Variants in PCDH9 observed in about 807,000 individuals in gnomAD.
PCDH9 encodes the protein protocadherin-9.
A neutral mutation model predicts 70.6 loss-of-function variants in PCDH9; 24 were observed. That is an observed-to-expected ratio of 0.34 (90% CI 0.25 to 0.48). PCDH9 has a LOEUF of 0.48. Ranked by LOEUF, PCDH9 falls within the 20% of genes least tolerant of loss-of-function variation. The pLI, the probability that PCDH9 is intolerant of heterozygous loss-of-function variation, is 0.99. For missense variants in PCDH9, 1,281 were observed against 1,503.6 expected (o/e 0.85, Z 2.45); for synonymous variants, 562 against 558.5 (o/e 1.01, Z -0.09).
At chr13:66,447,218 CA>C (rs1958110330) in intron 4 of PCDH9, among the ~76,000 whole-genome samples, 1 of 151,944 alleles carries the variant, frequency 6.6e-6, no homozygotes, top group African/African-American at 2.4e-5. Context: ...TTTTAAGTTG[CA>C]AAATAGATTT....
intron 2 of PCDH9, among the ~76,000 whole-genome samples, chr13:67,156,018 G>A (rs1376144370): frequency 3.3e-5 from 5 of 152,054 alleles, no homozygotes; most frequent in African/African-American, 1.2e-4. Context: ...GTATCTTTAA[G>A]GATGCCGGAG....
intron 3 of PCDH9, among the ~76,000 whole-genome samples, chr13:66,824,917 T>C (rs1271034843): frequency 6.6e-6 from 1 of 151,632 alleles, no homozygotes; most frequent in Non-Finnish European, 1.5e-5. Context: ...TGTAGCTGTT[T>C]TCGTGTCCCA....
At chr13:67,160,447 T>TGAGGCAGGAGAGTTGCTTG (rs2087925713) in intron 2 of PCDH9, among the ~76,000 whole-genome samples, 1 of 151,978 alleles carries the variant, frequency 6.6e-6, no homozygotes, top group South Asian at 2.1e-4. Flanking sequence ...TTCGGGAGAC[T>TGAGGCAGGAGAGTTGCTTG]GAGGCAGGAG....
chr13:67,119,966 A>C (rs1246117389), intron 2 of PCDH9, among the ~76,000 whole-genome samples: 1 of 152,060 alleles, frequency 6.6e-6, no homozygotes, highest in African/African-American at 2.4e-5. Flanking sequence ...AAAATACATA[A>C]AAATATAAAG....
chr13:66,304,889 G>C lies in PCDH9; in HGVS notation c.3480C>G (p.Thr1160=). 6.2e-7 allele frequency: 1 copy of C among 1,613,640 alleles called. No individual in the cohort carries two copies. The highest frequency in any genetic ancestry group is 8.5e-7 in the Non-Finnish European group (1 of 1,179,764). The change falls in exon 5 of 5, where the codon ACC becomes ACG. Residue 1160 remains threonine, a synonymous_variant. Transcript: ENST00000377865. ...PYQHPKSPLS[T]FAPQKEWVKK... ...TCACCCATTCTTTCTGGGGTGCAAA[G>C]GTTGAGAGAGGAGATTTGGGGTGTT... is the stretch of plus-strand genomic sequence containing the variant.
At chr13:66,528,631 T>A (rs1327302896) in intron 4 of PCDH9, among the ~76,000 whole-genome samples, 1 of 152,094 alleles carries the variant, frequency 6.6e-6, no homozygotes. Context: ...AACCTATCCA[T>A]GAACAAGGAA....
intron 2 of PCDH9, among the ~76,000 whole-genome samples, chr13:67,166,943 C>T (rs2088134510): frequency 6.6e-6 from 1 of 152,060 alleles, no homozygotes; most frequent in African/African-American, 2.4e-5. Context: ...AGAATGAACA[C>T]TAAAAAGCAA....
At chr13:66,512,453 T>C (rs1419138082) in intron 4 of PCDH9, among the ~76,000 whole-genome samples, 3 of 152,050 alleles carry the variant, frequency 2.0e-5, no homozygotes, top group Non-Finnish European at 4.4e-5. Context: ...GAAACTATAA[T>C]AAGGATAGGT....
At chr13:66,833,256 T>G (rs2080959357) in intron 3 of PCDH9, among the ~76,000 whole-genome samples, 1 of 152,204 alleles carries the variant, frequency 6.6e-6, no homozygotes, top group Non-Finnish European at 1.5e-5. Flanking sequence ...CTTTCTTTCT[T>G]CTAACAAAAC....
chr13:67,056,477 C>A (rs997019260), intron 2 of PCDH9, among the ~76,000 whole-genome samples: 8 of 152,146 alleles, frequency 5.3e-5, no homozygotes, highest in Non-Finnish European at 1.0e-4. Flanking sequence ...AAGAAGCTTT[C>A]TTGATAGAAG....
intron 3 of PCDH9, among the ~76,000 whole-genome samples, chr13:66,719,989 T>G (rs2078920605): frequency 1.3e-5 from 2 of 152,178 alleles, no homozygotes; most frequent in South Asian, 4.1e-4. Context: ...ATGCTATAAT[T>G]AAATATTCCT....
chr13:66,348,675 A>ATTTT (rs59340641), intron 4 of PCDH9, among the ~76,000 whole-genome samples: 8 of 136,114 alleles, frequency 5.9e-5, no homozygotes, highest in Non-Finnish European at 9.3e-5. Flanking sequence ...GCTATTTGCC[A>ATTTT]TTTTTTTTTT....
chr13:66,517,679 T>G (rs987242507), intron 4 of PCDH9, among the ~76,000 whole-genome samples: 13 of 152,126 alleles, frequency 8.5e-5, no homozygotes, highest in Non-Finnish European at 1.5e-4. Flanking sequence ...CTTCTAAACT[T>G]GGCCTTCAGG....
At chr13:66,827,360 C>CAAAAAAAAAAA (rs71110608) in intron 3 of PCDH9, among the ~76,000 whole-genome samples, 9 of 120,204 alleles carry the variant, frequency 7.5e-5, no homozygotes, top group East Asian at 2.4e-4. Flanking sequence ...AGGAAAATGG[C>CAAAAAAAAAAA]AAAAAAAAAA....
chr13:66,419,652 C>T (rs544109229), intron 4 of PCDH9, among the ~76,000 whole-genome samples: 3 of 152,188 alleles, frequency 2.0e-5, no homozygotes, highest in South Asian at 4.1e-4. Context: ...ATGGTTTTTG[C>T]AACCCATAGA....
chr13:66,539,539 G>A (rs973322283), intron 4 of PCDH9, among the ~76,000 whole-genome samples: 7 of 152,072 alleles, frequency 4.6e-5, no homozygotes, highest in Non-Finnish European at 1.0e-4. Flanking sequence ...AATATTGGGA[G>A]GTGAATACAA....
At chr13:66,405,461 A>G (rs1310680225) in intron 4 of PCDH9, among the ~76,000 whole-genome samples, 1 of 152,208 alleles carries the variant, frequency 6.6e-6, no homozygotes, top group East Asian at 1.9e-4. Context: ...GTATATGGGC[A>G]CCGACCAAAG....
At chr13:66,417,778 A>G (rs539874915) in intron 4 of PCDH9, among the ~76,000 whole-genome samples, 27 of 152,184 alleles carry the variant, frequency 1.8e-4, no homozygotes, top group Non-Finnish European at 3.2e-4. Context: ...TTTTTTACAT[A>G]TGTTTGTTGG....
At chr13:66,420,375 G>A (rs2138347094) in intron 4 of PCDH9, among the ~76,000 whole-genome samples, 1 of 152,276 alleles carries the variant, frequency 6.6e-6, no homozygotes, top group South Asian at 2.1e-4. Flanking sequence ...GCCTCATGAT[G>A]GGGAGACACC....
Sources: allele counts gnomAD v4.1 joint callset (sites outside exome capture counted in the v4.1 genomes callset), GRCh38; gene constraint gnomAD v4.1.1; transcripts MANE v1.5; gene names NCBI Gene and HGNC (gene_info 2026-07-23, HGNC 2026-07-21).